The following DNAI1 variants were observed in gnomAD, a reference collection of about 807,000 sequenced individuals.
DNAI1 encodes dynein axonemal intermediate chain 1.
A neutral mutation model predicts 92.0 loss-of-function variants in DNAI1; 67 were observed. The observed-to-expected ratio is 0.73, with a 90% CI of 0.60 to 0.89. The LOEUF is 0.89. Ranked by LOEUF, DNAI1 falls within the 40% of genes least tolerant of loss-of-function variation. The pLI is 0.00. For missense variants in DNAI1, 839 were observed against 866.6 expected (o/e 0.97, Z 0.40); for synonymous variants, 323 against 319.6 (o/e 1.01, Z -0.11).
chr9:34,514,877 G>A lies in DNAI1; in HGVS notation c.1818+138G>A, dbSNP rs1209898406. On this transcript the variant is annotated intron_variant, in intron 18 of 19. Coordinates refer to ENST00000242317, the MANE Select transcript of DNAI1 (RefSeq NM_012144.4). ...GGACATAAGGACTGTGTATTTTCCA[G>A]GGGCAAGCCATCCAGGGTCCAGCCA... 18 of 943,952 alleles carry A rather than the reference G, an allele frequency of 1.9e-5. No homozygotes were observed. In the Admixed American group the frequency reaches 3.4e-4, roughly 18 times the overall value. The allele number at this position is 943,952 out of a possible 1,614,324, so 58.5% of individuals were successfully genotyped here.
intron 12 of DNAI1, among the ~76,000 whole-genome samples, chr9:34,502,794 G>A (rs751403446): frequency 2.0e-5 from 3 of 152,126 alleles, no homozygotes; most frequent in Non-Finnish European, 4.4e-5. Context: ...ACAGTCCTGG[G>A]GGTGGGGGTG....
At chr9:34,476,034 A>G (rs946032045) in intron 1 of DNAI1, among the ~76,000 whole-genome samples, 14 of 152,210 alleles carry the variant, frequency 9.2e-5, no homozygotes, top group African/African-American at 3.4e-4. Context: ...TTTTCAATGT[A>G]TCCTTCCATT....
At chr9:34,518,460 G>A (rs900995023) in intron 19 of DNAI1, among the ~76,000 whole-genome samples, 3 of 152,164 alleles carry the variant, frequency 2.0e-5, no homozygotes, top group Non-Finnish European at 4.4e-5. Context: ...TGGGGGAGAG[G>A]GTGGACTTGG....
intron 12 of DNAI1, among the ~76,000 whole-genome samples, chr9:34,505,974 G>A (rs1214678698): frequency 6.6e-6 from 1 of 152,148 alleles, no homozygotes; most frequent in East Asian, 1.9e-4. Flanking sequence ...CCCTTGACAT[G>A]GGGCTGGTGG....
rs138297383 is a variant in DNAI1, at chr9:34,468,534, A to C, written c.48+9481A>C. On this transcript the variant is annotated intron_variant, in intron 1 of 19. Transcript: ENST00000242317. ...TGTTTTGTTTTGTTTTTCTTGTAAA[A>C]AGAGAGCCTGGCTGGGCATGGTGGC... is the stretch of plus-strand genomic sequence containing the variant. 2.3e-3 allele frequency among the ~76,000 whole-genome samples: 356 copies of C among 151,942 alleles called. 2 individuals carry two copies. Among genetic ancestry groups the C allele is most frequent in the African/African-American group, 7.9e-3 (328 of 41,460 alleles).
At chr9:34,480,290 T>TG (rs1824327581) in intron 1 of DNAI1, among the ~76,000 whole-genome samples, 1 of 131,662 alleles carries the variant, frequency 7.6e-6, no homozygotes, top group African/African-American at 2.9e-5. Context: ...TTTTTTTTTT[T>TG]TTTTTTGAGA....
intron 1 of DNAI1, among the ~76,000 whole-genome samples, chr9:34,464,291 C>T (rs1311702178): frequency 6.6e-6 from 1 of 152,156 alleles, no homozygotes; most frequent in Non-Finnish European, 1.5e-5. Flanking sequence ...AGTGACTTCC[C>T]ATTGCTCTTA....
At chr9:34,461,925 G>A (rs1823958648) in intron 1 of DNAI1, among the ~76,000 whole-genome samples, 1 of 152,184 alleles carries the variant, frequency 6.6e-6, no homozygotes, top group South Asian at 2.1e-4. Context: ...GGATCCCTGG[G>A]GATGAAGGGG....
rs568275842 is a variant in DNAI1, at chr9:34,512,579, G to A, written c.1489+155G>A. Among the ~76,000 whole-genome samples, 4 of 152,306 alleles carry A rather than the reference G, an allele frequency of 2.6e-5. No individual in the cohort carries two copies. The East Asian group carries it at 7.7e-4, about 29-fold the overall frequency. On this transcript the variant is annotated intron_variant, in intron 15 of 19. Coordinates refer to ENST00000242317, the MANE Select transcript of DNAI1 (RefSeq NM_012144.4). ...GTAGGAAGGCCCGGCCCTGTCTGCT[G>A]AACCCTTGGCTGTTTGTAGACCCTC...
At chr9:34,496,398 T>C (rs1170281254) in intron 9 of DNAI1, among the ~76,000 whole-genome samples, 1 of 152,274 alleles carries the variant, frequency 6.6e-6, no homozygotes, top group African/African-American at 2.4e-5. Flanking sequence ...GGGCCTTTCC[T>C]GTTAGTCCCA....
chr9:34,461,885 AAC>A (rs1290045320), intron 1 of DNAI1, among the ~76,000 whole-genome samples: 1 of 152,164 alleles, frequency 6.6e-6, no homozygotes, highest in East Asian at 1.9e-4. Context: ...GGGGAGACAG[AAC>A]ACAGGCAGAA....
chr9:34,506,990 G>C, intron 13 of DNAI1, 116 bp downstream of exon 13: 1 of 1,445,082 alleles, frequency 6.9e-7, no homozygotes, highest in African/African-American at 1.4e-5. Flanking sequence ...GAGGATGGCA[G>C]GTACCATCAG....
At chr9:34,516,463 G>A (rs1165059399) in intron 18 of DNAI1, among the ~76,000 whole-genome samples, 3 of 152,300 alleles carry the variant, frequency 2.0e-5, no homozygotes, top group African/African-American at 4.8e-5. Context: ...TGAGGGTGTG[G>A]TGAAGGTAGC....
At chr9:34,510,867 G>GTCA (rs1377404261) in intron 13 of DNAI1, among the ~76,000 whole-genome samples, 4 of 152,232 alleles carry the variant, frequency 2.6e-5, no homozygotes, top group Non-Finnish European at 4.4e-5. Context: ...TGCCTCACAG[G>GTCA]CTCTGTGGCG....
At position 34,497,111 on chromosome 9, in the gene DNAI1, A is replaced by G. The variant is rs753501373; in HGVS notation, c.817-4A>G. 1.2e-6 allele frequency: 2 copies of G among 1,613,568 alleles called. No homozygotes were observed. Among genetic ancestry groups the G allele is most frequent in the Non-Finnish European group, 8.5e-7 (1 of 1,179,454 alleles). ...GAGGACCTGAAGTTTCTGTATCCCCACAGACTGATGATCTCATCAAATTGT... is the reference window on the plus strand; with the variant it reads ...GAGGACCTGAAGTTTCTGTATCCCCGCAGACTGATGATCTCATCAAATTGT... On this transcript the variant is annotated splice_polypyrimidine_tract_variant and splice_region_variant and intron_variant, in intron 9 of 19. Transcript: ENST00000242317.
intron 1 of DNAI1, among the ~76,000 whole-genome samples, chr9:34,475,417 A>G (rs1417102869): frequency 6.6e-6 from 1 of 152,148 alleles, no homozygotes; most frequent in Non-Finnish European, 1.5e-5. Context: ...TTGAGCAGAG[A>G]TGTGAGCTGC....
At chr9:34,512,962 C>A in intron 15 of DNAI1, 150 bp from the exon 16 acceptor site, 1 of 759,624 alleles carries the variant, frequency 1.3e-6, no homozygotes, top group Non-Finnish European at 2.4e-6. Context: ...CTGGCCTGGT[C>A]CCAGCCCTTA....
rs1823881942 is a variant in DNAI1 at position 34,459,023 on chromosome 9, G to T, written c.18G>T (p.Ala6=). 2.5e-6 allele frequency: 4 copies of T among 1,614,142 alleles called. No homozygotes were observed. The East Asian group carries it at 6.7e-5, about 27-fold the overall frequency. The change falls in exon 1 of 20, where the codon GCG becomes GCT. Residue 6 remains alanine, a synonymous_variant. Transcript: ENST00000242317. ...GGGTTGAGATGATTCCTGCTTCTGC[G>T]AAGGCTCCCCATAAACAGCCTCATA... MIPAS[A]KAPHKQPHKQ... is the part of the protein sequence containing the mutation.
intron 1 of DNAI1, among the ~76,000 whole-genome samples, chr9:34,483,050 T>C (rs1824400145): frequency 6.6e-6 from 1 of 152,210 alleles, no homozygotes; most frequent in African/African-American, 2.4e-5. Context: ...GCTGGCTGGC[T>C]GCTCCGAGTG....
Sources: allele counts gnomAD v4.1 joint callset (sites outside exome capture counted in the v4.1 genomes callset), GRCh38; gene constraint gnomAD v4.1.1; transcripts MANE v1.5; gene names NCBI Gene and HGNC (gene_info 2026-07-23, HGNC 2026-07-21).